DAO: variants seen among roughly 807,000 people sequenced by gnomAD.
DAO encodes D-amino acid oxidase.
A neutral mutation model predicts 50.1 loss-of-function variants in DAO; 51 were observed. That is an observed-to-expected ratio of 1.02 (90% CI 0.81 to 1.29). The LOEUF (loss-of-function observed/expected upper bound fraction) is 1.29. Ranked by LOEUF, DAO falls within the 50% of genes most tolerant of loss-of-function variation. DAO has a pLI of 0.00. For missense variants in DAO, 436 were observed against 439.4 expected (o/e 0.99, Z 0.07); for synonymous variants, 160 against 166.2 (o/e 0.96, Z 0.29).
chr12:108,895,159 T>C (rs1346224464), intron 7 of DAO, among the ~76,000 whole-genome samples: 1 of 152,006 alleles, frequency 6.6e-6, no homozygotes, highest in Non-Finnish European at 1.5e-5. Context: ...CGCAGTGCAA[T>C]TGGGATTGGA....
chr12:108,898,847 G>C (rs763084615), intron 9 of DAO, 51 bp downstream of exon 9: 1 of 1,247,324 alleles, frequency 8.0e-7, no homozygotes, highest in Admixed American at 1.7e-5. Flanking sequence ...TGGGAGCTTG[G>C]TAATGAGGAC....
rs940312617 is a variant in DAO, at chr12:108,885,428, G to C, written c.194+228G>C. On this transcript the variant is annotated intron_variant, in intron 2 of 10. Coordinates refer to ENST00000228476, the MANE Select transcript of DAO (RefSeq NM_001917.5). ...GTTCCAGATCAGCCTGGGCAACGTG[G>C]TGAAACCCCATCTCTACCAAAAATA... 4.6e-5 allele frequency among the ~76,000 whole-genome samples: 7 copies of C among 152,122 alleles called. No individual in the cohort carries two copies. The East Asian group carries it at 7.7e-4, about 17-fold the overall frequency.
intron 1 of DAO, among the ~76,000 whole-genome samples, chr12:108,880,813 G>A (rs895125252): frequency 1.3e-5 from 2 of 151,956 alleles, no homozygotes; most frequent in East Asian, 3.9e-4. Flanking sequence ...GGACAAGGGA[G>A]GTCCTAGGCA....
intron 10 of DAO, chr12:108,900,101 T>A (rs935454469): frequency 1.0e-5 from 4 of 386,326 alleles, no homozygotes; most frequent in African/African-American, 8.3e-5. Flanking sequence ...GAAACTGGGG[T>A]GAATTAAGAG....
chr12:108,891,935 A>G (rs929398377), intron 5 of DAO, among the ~76,000 whole-genome samples: 1 of 151,864 alleles, frequency 6.6e-6, no homozygotes, highest in African/African-American at 2.4e-5. Context: ...TGGCGATTCT[A>G]ATTATCAGCC....
chr12:108,882,208 C>A (rs1174001627), intron 1 of DAO, among the ~76,000 whole-genome samples: 1 of 152,120 alleles, frequency 6.6e-6, no homozygotes, highest in African/African-American at 2.4e-5. Context: ...GCTTTGTCAG[C>A]TCTCATAAAA....
At chr12:108,898,637 C>T (rs757406147) in intron 8 of DAO, 42 bp from the exon 9 acceptor site, 2 of 1,339,038 alleles carry the variant, frequency 1.5e-6, no homozygotes, top group South Asian at 1.2e-5. Context: ...ATCTCAGAGC[C>T]TTCATTTTCC....
intron 1 of DAO, among the ~76,000 whole-genome samples, chr12:108,880,938 C>T (rs1337666213): frequency 6.6e-5 from 10 of 152,028 alleles, no homozygotes; most frequent in Admixed American, 5.9e-4. Context: ...GGTCTAGGTC[C>T]GAATGCTGTC....
chr12:108,887,574 C>T lies in DAO; in HGVS notation c.309+10C>T, dbSNP rs373042062. On this transcript the variant is annotated intron_variant, in intron 3 of 10. Transcript: ENST00000228476. ...CCATGAAGCCATTCCGGTGGGTGAA[C>T]AGTTCTTGACCATGAGGGATGAGCA... 42 of 1,594,524 alleles carry T rather than the reference C, an allele frequency of 2.6e-5. No homozygotes were observed. The African/African-American group carries it at 5.2e-4, about 20-fold the overall frequency.
intron 7 of DAO, among the ~76,000 whole-genome samples, chr12:108,895,362 AG>A (rs532324572): frequency 1.9e-4 from 19 of 100,404 alleles, no homozygotes; most frequent in Non-Finnish European, 3.6e-4. Flanking sequence ...CATGTGTGTG[AG>A]GGTGTGTGCA....
intron 2 of DAO, 106 bp from the exon 3 acceptor site, chr12:108,887,344 G>A (rs1432811310): frequency 7.1e-6 from 6 of 840,856 alleles, no homozygotes; most frequent in Non-Finnish European, 1.1e-5. Context: ...CTGGGTTTTG[G>A]ACACACCCCA....
Position 108,900,662 on chromosome 12 carries a change from GA to G in DAO, c.*130del, listed in dbSNP as rs1466917785. On this transcript the variant is annotated 3_prime_UTR_variant, in exon 11 of 11. Coordinates refer to ENST00000228476, the MANE Select transcript of DAO (RefSeq NM_001917.5). ...TTCCTCAAAGAAGCATGAGGTGAGA[GA>G]AAGCCACAAAGTCAGTGCCTGGAGA... 2 of 1,408,604 alleles carry G rather than the reference GA, an allele frequency of 1.4e-6. No homozygotes were observed. Among genetic ancestry groups the G allele is most frequent in the Non-Finnish European group, 1.9e-6 (2 of 1,027,230 alleles). The allele number at this position is 1,408,604 out of a possible 1,614,324, so 87.3% of individuals were successfully genotyped here. A position where few individuals can be genotyped will look rare whatever the true frequency, so the allele number is the denominator to read the frequency against.
chr12:108,889,471 C>A lies in DAO; in HGVS notation c.312C>A (p.Asp104Glu), dbSNP rs2039466928. ...CCCCCTTTGTCCTTCCTCTTCAGGACCCTTCCTGGAAGGACACAGTTCTGG... is the reference window on the plus strand; with the variant it reads ...CCCCCTTTGTCCTTCCTCTTCAGGAACCTTCCTGGAAGGACACAGTTCTGG... The part of the protein sequence containing the change: ...GYNLFHEAIP[D>E]PSWKDTVLGF... Residue 104 changes from aspartate (D) to glutamate (E), a missense_variant and splice_region_variant, in exon 4 of 11, where the codon GAC becomes GAA. By Grantham distance (45) the Asp-to-Glu change is conservative (BLOSUM62 2). Transcript: ENST00000228476. 1.9e-6 allele frequency: 3 copies of A among 1,610,976 alleles called. No individual in the cohort carries two copies. The highest frequency in any genetic ancestry group is 2.7e-5 in the African/African-American group (2 of 74,950).
At chr12:108,881,509 A>ACC (rs2039379035) in intron 1 of DAO, among the ~76,000 whole-genome samples, 1 of 125,998 alleles carries the variant, frequency 7.9e-6, no homozygotes, top group East Asian at 2.0e-4. Flanking sequence ...ACACACACAC[A>ACC]CGTTGCTATA....
At chr12:108,894,018 G>T (rs1196160846) in intron 6 of DAO, among the ~76,000 whole-genome samples, 1 of 152,092 alleles carries the variant, frequency 6.6e-6, no homozygotes, top group Non-Finnish European at 1.5e-5. Context: ...AACAGCCATG[G>T]GCAGCCTCAT....
rs779493322 is a variant in DAO at position 108,897,078 on chromosome 12, A to G, written c.685A>G (p.Ile229Val). ...PERGIYNSPY[I>V]IPGTQTVTLG... is the part of the protein sequence containing the mutation. ...GAGAGGCATCTACAATTCCCCGTAC[A>G]TCATCCCAGGGTAAAATTGGACTGT... Residue 229 changes from isoleucine to valine, a missense_variant, in exon 8 of 11, where the codon ATC becomes GTC. Physicochemically the swap from Ile to Val is conservative, Grantham distance 29 (BLOSUM62 3). Coordinates refer to ENST00000228476, the MANE Select transcript of DAO (RefSeq NM_001917.5). The G allele has an allele frequency of 3.1e-6, 5 of 1,613,238 alleles. No individual in the cohort carries two copies. The highest frequency in any genetic ancestry group is 4.2e-6 in the Non-Finnish European group (5 of 1,179,244).
chr12:108,881,295 A>G (rs566709714), intron 1 of DAO, among the ~76,000 whole-genome samples: 51 of 151,906 alleles, frequency 3.4e-4, no homozygotes, highest in African/African-American at 1.2e-3. Flanking sequence ...CGGCAACACT[A>G]ATAAAAACAT....
At chr12:108,892,142 G>GTATTTC (rs2039497973) in intron 5 of DAO, among the ~76,000 whole-genome samples, 1 of 145,968 alleles carries the variant, frequency 6.9e-6, no homozygotes, top group Admixed American at 6.9e-5. Context: ...TGTTTCTAGT[G>GTATTTC]TATTTCTTTC....
chr12:108,897,532 A>G (rs2039572899), intron 8 of DAO, among the ~76,000 whole-genome samples: 2 of 150,094 alleles, frequency 1.3e-5, no homozygotes, highest in South Asian at 4.4e-4. Context: ...CAATGTTTTT[A>G]GTGAGTTTGA....
Sources: gnomAD v4.1 joint callset for allele counts (sites outside exome capture counted in the v4.1 genomes callset) on GRCh38, gnomAD v4.1.1 for gene constraint, MANE v1.5 for transcripts, NCBI Gene and HGNC (gene_info 2026-07-23, HGNC 2026-07-21) for gene names.